The following BRCA2 variants were observed in gnomAD, a reference collection of about 807,000 sequenced individuals.
BRCA2 encodes the protein BRCA2 DNA repair associated, also known as breast cancer type 2 susceptibility protein.
BRCA2 carries 203 observed loss-of-function variants against 276.7 expected under a neutral mutation model. The ratio of observed to expected loss-of-function variants is 0.73; its 90% CI spans 0.65 to 0.82. The LOEUF is 0.82. Among genes scored for constraint, BRCA2 ranks in the 40% least tolerant of loss-of-function variants. BRCA2 has a pLI of 0.00. For missense variants in BRCA2, 3,920 were observed against 3,915.0 expected (o/e 1.00, Z -0.03); for synonymous variants, 1,289 against 1,338.4 (o/e 0.96, Z 0.81).
Position 32,325,975 on chromosome 13 carries a change from T to C in BRCA2, c.426-126T>C, listed in dbSNP as rs2072342047. 4 of 830,650 alleles carry C rather than the reference T, an allele frequency of 4.8e-6. No homozygotes were observed. Among genetic ancestry groups the C allele is most frequent in the Non-Finnish European group, 7.6e-6 (4 of 526,392 alleles). 51.5% of individuals were successfully genotyped at this position (830,650 alleles called of 1,614,324 possible). On this transcript the variant is annotated intron_variant, in intron 4 of 26. Coordinates refer to ENST00000380152, the MANE Select transcript of BRCA2 (RefSeq NM_000059.4). ...GAGAGATTTACTTTTTAAAATGTAATATAAAATATCTAAAAGTAGTATTCC... is the reference window on the plus strand; with the variant it reads ...GAGAGATTTACTTTTTAAAATGTAACATAAAATATCTAAAAGTAGTATTCC...
intron 3 of BRCA2, among the ~76,000 whole-genome samples, chr13:32,324,875 A>G (rs899868406): frequency 6.6e-6 from 1 of 152,140 alleles, no homozygotes; most frequent in Non-Finnish European, 1.5e-5. Flanking sequence ...TCAGCCTCCC[A>G]GAGCCCTCAA....
At chr13:32,316,625 A>G (rs2072263670) in intron 2 of BRCA2, 98 bp downstream of exon 2, 1 of 1,021,924 alleles carries the variant, frequency 9.8e-7, no homozygotes, top group East Asian at 2.6e-5. Flanking sequence ...GTTGCTTAGA[A>G]CCATAAACTG....
chr13:32,330,789 A>C (rs1435300737), intron 8 of BRCA2, 130 bp from the exon 9 acceptor site: 2 of 630,460 alleles, frequency 3.2e-6, no homozygotes, highest in Non-Finnish European at 2.8e-6. Context: ...TTTCCATTAA[A>C]AATTTTTGGA....
intron 20 of BRCA2, among the ~76,000 whole-genome samples, chr13:32,376,082 TAAAAAA>T (rs1566251099): frequency 6.6e-6 from 1 of 152,064 alleles, no homozygotes; most frequent in African/African-American, 2.4e-5. Context: ...TTTGTGTTTT[TAAAAAA>T]ATGCAGTATC....
At position 32,362,717 on chromosome 13, in the gene BRCA2, G is replaced by A. The variant is rs189855685; in HGVS notation, c.7976+24G>A. The A allele has an allele frequency of 5.8e-5, 94 of 1,612,498 alleles. No homozygotes were observed. The East Asian group carries it at 1.9e-3, about 32-fold the overall frequency. On this transcript the variant is annotated intron_variant, in intron 17 of 26. Transcript: ENST00000380152. ...AGGCAAGTTTAAAGCATTACATTAC[G>A]TAATCATATACGGCAGTATGGTTAA...
At chr13:32,318,499 T>G (rs1272137232) in intron 2 of BRCA2, among the ~76,000 whole-genome samples, 1 of 152,126 alleles carries the variant, frequency 6.6e-6, no homozygotes, top group Non-Finnish European at 1.5e-5. Flanking sequence ...TGGAATGCAG[T>G]GGCGTGATCT....
In BRCA2 at chr13:32,371,000, AAGAG is replaced by A. The variant is rs80359714; in HGVS notation, c.8535_8538del (p.Glu2846LysfsTer16). 1 of 1,614,188 alleles carries A rather than the reference AAGAG, an allele frequency of 6.2e-7. No individual in the cohort carries two copies. Among genetic ancestry groups the A allele is most frequent in the Non-Finnish European group, 8.5e-7 (1 of 1,180,020 alleles). On this transcript the variant is annotated frameshift_variant, in exon 20 of 27. Coordinates refer to ENST00000380152, the MANE Select transcript of BRCA2 (RefSeq NM_000059.4). LOFTEE classifies it high-confidence loss of function. Reference sequence around the variant, plus strand: ...CTGGATTATACATATTTCGCAATGAAAGAGAGGAAGAAAAGGAAGCAGCAAAATA... The same window carrying A: ...CTGGATTATACATATTTCGCAATGAAAGGAAGAAAAGGAAGCAGCAAAATA...
intron 18 of BRCA2, among the ~76,000 whole-genome samples, chr13:32,364,761 A>G (rs538067027): frequency 1.3e-5 from 2 of 152,144 alleles, no homozygotes; most frequent in Non-Finnish European, 2.9e-5. Flanking sequence ...CATTGGTTCC[A>G]TTTCTGTTTC....
Position 32,333,033 on chromosome 13 carries a change from A to C in BRCA2, c.1555A>C (p.Ser519Arg). Residue 519 changes from serine (S) to arginine (R), a missense_variant, in exon 10 of 27, where the codon AGT (serine) becomes CGT (arginine). Physicochemically the swap from Ser to Arg is moderately radical, Grantham distance 110. Transcript: ENST00000380152. Reference sequence around the variant, plus strand: ...ATCACCTAAAGAGACTTTCAATGCAAGTTTTTCAGGTCATATGACTGATCC... The same window carrying C: ...ATCACCTAAAGAGACTTTCAATGCACGTTTTTCAGGTCATATGACTGATCC... ...RESPKETFNA[S>R]FSGHMTDPNF... is the part of the protein sequence containing the mutation. 2 of 1,596,686 alleles carry C rather than the reference A, an allele frequency of 1.3e-6. No homozygotes were observed. Among genetic ancestry groups the C allele is most frequent in the Non-Finnish European group, 1.7e-6 (2 of 1,175,610 alleles).
chr13:32,357,939 G>T lies in BRCA2; in HGVS notation c.7805+10G>T, dbSNP rs1057521672. 1.2e-6 allele frequency: 2 copies of T among 1,611,330 alleles called. No individual in the cohort carries two copies. The highest frequency in any genetic ancestry group is 2.7e-5 in the African/African-American group (2 of 74,970). On this transcript the variant is annotated intron_variant, in intron 16 of 26. Transcript: ENST00000380152. ...AAGAAGAATTTTATAGGTACTCTAT[G>T]CAAAAAGATTGTGTGTTAACTTTTA... is the stretch of plus-strand genomic sequence containing the variant.
In BRCA2 at chr13:32,394,912, C is replaced by T. The variant is rs754790400; in HGVS notation, c.9480C>T (p.Asn3160=). ...AGGGCCACTTTCAAGAGACATTCAA[C>T]AAAATGAAAAATACTGTTGAGGTAA... ...PKEGHFQETF[N]KMKNTVENID... The change falls in exon 25 of 27, where the codon AAC becomes AAT. Residue 3160 remains asparagine (N), a synonymous_variant. Transcript: ENST00000380152. The T allele has an allele frequency of 6.2e-7, 1 of 1,613,878 alleles. No homozygotes were observed. Among genetic ancestry groups the T allele is most frequent in the Non-Finnish European group, 8.5e-7 (1 of 1,179,954 alleles).
At chr13:32,347,901 AAAAGATAGTC>A (rs2072622372) in intron 13 of BRCA2, among the ~76,000 whole-genome samples, 1 of 152,214 alleles carries the variant, frequency 6.6e-6, no homozygotes, top group African/African-American at 2.4e-5. Flanking sequence ...TTTAAATAAG[AAAAGATAGTC>A]AAAGATAACT....
At chr13:32,344,066 A>G (rs1359639327) in intron 11 of BRCA2, among the ~76,000 whole-genome samples, 2 of 151,862 alleles carry the variant, frequency 1.3e-5, no homozygotes. Context: ...TTCTATTACT[A>G]GTACTTTAAT....
chr13:32,339,480 G>T lies in BRCA2; in HGVS notation c.5125G>T (p.Asp1709Tyr), dbSNP rs398122792. ...TCAACCAGAAAGAATAAATACTGCA[G>T]ATTATGTAGGAAATTATTTGTATGA... ...DGQPERINTA[D>Y]YVGNYLYENN... is the part of the protein sequence containing the mutation. Residue 1709 changes from aspartate (D) to tyrosine (Y), a missense_variant, in exon 11 of 27, where the codon GAT (aspartate) becomes TAT (tyrosine). Transcript: ENST00000380152. The T allele has an allele frequency of 2.5e-6, 4 of 1,583,240 alleles. No homozygotes were observed. In the Admixed American group the frequency reaches 5.6e-5, roughly 22 times the overall value.
In BRCA2 at chr13:32,372,082, G is replaced by A. The variant is rs11571752; in HGVS notation, c.8632+982G>A. Reference sequence around the variant, plus strand: ...ATAAGACAATGGCATTTGCAACATTGATTGGCTTTTCCTTTCATGAAAGAT... The same window carrying A: ...ATAAGACAATGGCATTTGCAACATTAATTGGCTTTTCCTTTCATGAAAGAT... On this transcript the variant is annotated intron_variant, in intron 20 of 26. Transcript: ENST00000380152. Among the ~76,000 whole-genome samples the A allele has an allele frequency of 7.2e-3, 1,092 of 152,270 alleles. 11 individuals carry two copies. The highest frequency in any genetic ancestry group is 0.024 in the African/African-American group (1,016 of 41,546).
intron 7 of BRCA2, 121 bp from the exon 8 acceptor site, chr13:32,329,322 T>C (rs2072371684): frequency 1.5e-6 from 1 of 675,850 alleles, no homozygotes; most frequent in South Asian, 1.8e-5. Context: ...CTTGAATCAA[T>C]TCATTTTGTT....
chr13:32,322,373 T>G (rs2072311742), intron 3 of BRCA2, among the ~76,000 whole-genome samples: 1 of 152,068 alleles, frequency 6.6e-6, no homozygotes, highest in African/African-American at 2.4e-5. Flanking sequence ...GAGTGGGAAA[T>G]CAGGGGTCTC....
rs1064794491 is a variant in BRCA2 at position 32,397,024 on chromosome 13, G to A, written c.9628G>A (p.Gly3210Ser). ...GCCGTACACTGCTCAAATCATTCCT[G>A]GTACAGGAAACAAGCTTCTGGTAAG... ...SGPYTAQIIP[G>S]TGNKLLMSSP... Residue 3210 changes from glycine to serine, a missense_variant, in exon 26 of 27, where the codon GGT becomes AGT. Physicochemically the swap from Gly to Ser is moderately conservative, Grantham distance 56 (BLOSUM62 0). Coordinates refer to ENST00000380152, the MANE Select transcript of BRCA2 (RefSeq NM_000059.4). The A allele has an allele frequency of 4.3e-6, 7 of 1,613,902 alleles. No homozygotes were observed. The highest frequency in any genetic ancestry group is 3.3e-4 in the Middle Eastern group (2 of 6,060).
intron 1 of BRCA2, among the ~76,000 whole-genome samples, 200 bp from the exon 2 acceptor site, chr13:32,316,222 A>C (rs1430884680): frequency 6.6e-6 from 1 of 152,192 alleles, no homozygotes; most frequent in Non-Finnish European, 1.5e-5. Flanking sequence ...CCACGTTTCG[A>C]GTGCTTAATG....
Sources: gnomAD v4.1 joint callset for allele counts (sites outside exome capture counted in the v4.1 genomes callset) on GRCh38, gnomAD v4.1.1 for gene constraint, MANE v1.5 for transcripts, NCBI Gene and HGNC (gene_info 2026-07-23, HGNC 2026-07-21) for gene names.